Variants in BRINP3 observed in about 807,000 individuals in gnomAD.
BRINP3 encodes the protein BMP/retinoic acid-inducible neural-specific protein 3.
BRINP3 carries 19 observed loss-of-function variants against 71.0 expected under a neutral mutation model. The ratio of observed to expected loss-of-function variants is 0.27; its 90% CI spans 0.19 to 0.39. The LOEUF (loss-of-function observed/expected upper bound fraction) is 0.39, where lower values mean the gene tolerates loss of function less well. Ranked by LOEUF, BRINP3 falls within the 10% of genes least tolerant of loss-of-function variation. The pLI is 1.00. For synonymous variants in BRINP3, 380 were observed against 337.7 expected (o/e 1.13, Z -1.37); for missense variants, 959 against 940.8 (o/e 1.02, Z -0.25).
At chr1:190,400,168 G>A (rs1005008127) in intron 2 of BRINP3, among the ~76,000 whole-genome samples, 4 of 152,008 alleles carry the variant, frequency 2.6e-5, no homozygotes, top group Non-Finnish European at 5.9e-5. Flanking sequence ...TGAAATGAAC[G>A]TTTTGCGTAT....
At chr1:190,172,963 G>A (rs1652153004) in intron 6 of BRINP3, among the ~76,000 whole-genome samples, 1 of 152,120 alleles carries the variant, frequency 6.6e-6, no homozygotes, top group Non-Finnish European at 1.5e-5. Flanking sequence ...TTCTATTCAT[G>A]ACAGGGCTTT....
At chr1:190,109,731 G>A (rs1478633922) in intron 7 of BRINP3, among the ~76,000 whole-genome samples, 1 of 152,214 alleles carries the variant, frequency 6.6e-6, no homozygotes, top group Non-Finnish European at 1.5e-5. Flanking sequence ...CTCTCTTCTG[G>A]AGTTGGCAAG....
chr1:190,269,651 A>G (rs1215802496), intron 3 of BRINP3, among the ~76,000 whole-genome samples: 1 of 152,090 alleles, frequency 6.6e-6, no homozygotes, highest in African/African-American at 2.4e-5. Context: ...ATTTGAAAAT[A>G]TATTCAATCT....
At chr1:190,223,750 C>T (rs1426084028) in intron 6 of BRINP3, among the ~76,000 whole-genome samples, 1 of 151,638 alleles carries the variant, frequency 6.6e-6, no homozygotes, top group Non-Finnish European at 1.5e-5. Context: ...TGTTTGTAGA[C>T]AACACAATTT....
chr1:190,300,030 G>C (rs900287802), intron 2 of BRINP3, among the ~76,000 whole-genome samples: 6 of 152,018 alleles, frequency 3.9e-5, no homozygotes, highest in Non-Finnish European at 7.4e-5. Context: ...TATGTGTCTT[G>C]TTGTTGCCCT....
chr1:190,194,191 C>A (rs539245907), intron 6 of BRINP3, among the ~76,000 whole-genome samples: 18 of 152,158 alleles, frequency 1.2e-4, no homozygotes, highest in Middle Eastern at 3.4e-3. Context: ...GAAGACGCAA[C>A]ATGACCCCAA....
chr1:190,310,597 T>C (rs1294782149), intron 2 of BRINP3, among the ~76,000 whole-genome samples: 1 of 151,758 alleles, frequency 6.6e-6, no homozygotes, highest in Non-Finnish European at 1.5e-5. Flanking sequence ...TCATCAGTTA[T>C]GGCCAACTTA....
At chr1:190,399,445 C>A (rs1266807958) in intron 2 of BRINP3, among the ~76,000 whole-genome samples, 1 of 151,854 alleles carries the variant, frequency 6.6e-6, no homozygotes, top group Non-Finnish European at 1.5e-5. Flanking sequence ...ATGAAAGTGA[C>A]ACTTCGCGAG....
intron 1 of BRINP3, among the ~76,000 whole-genome samples, chr1:190,457,460 A>AAAACAAAAC (rs143410349): frequency 6.6e-6 from 1 of 151,230 alleles, no homozygotes; most frequent in East Asian, 2.0e-4. Flanking sequence ...ACACAAAAAC[A>AAAACAAAAC]AAAACAAAAC....
At chr1:190,442,284 G>T (rs1171623155) in intron 2 of BRINP3, among the ~76,000 whole-genome samples, 2 of 152,022 alleles carry the variant, frequency 1.3e-5, no homozygotes, top group Non-Finnish European at 2.9e-5. Flanking sequence ...TTCTGTTTTG[G>T]GAAATAGTTG....
chr1:190,381,098 C>A (rs1015934412), intron 2 of BRINP3, among the ~76,000 whole-genome samples: 2 of 151,478 alleles, frequency 1.3e-5, no homozygotes, highest in African/African-American at 4.9e-5. Context: ...CCTGCAGGAG[C>A]CTCATCTCTC....
At chr1:190,384,960 G>C (rs980589049) in intron 2 of BRINP3, among the ~76,000 whole-genome samples, 7 of 151,374 alleles carry the variant, frequency 4.6e-5, no homozygotes, top group South Asian at 4.2e-4. Flanking sequence ...CAAAAACAAG[G>C]AATGGGGAAA....
At chr1:190,121,808 A>C (rs1349957841) in intron 7 of BRINP3, among the ~76,000 whole-genome samples, 1 of 152,316 alleles carries the variant, frequency 6.6e-6, no homozygotes, top group Non-Finnish European at 1.5e-5. Flanking sequence ...AACCTCAAAT[A>C]TATGGAATGA....
intron 1 of BRINP3, among the ~76,000 whole-genome samples, chr1:190,458,277 C>A (rs528788354): frequency 3.4e-4 from 52 of 152,034 alleles, no homozygotes; most frequent in Admixed American, 1.4e-3. Flanking sequence ...ATCCTAAAAT[C>A]ATTGTATTTG....
chr1:190,153,231 A>T (rs1039193830), intron 7 of BRINP3, among the ~76,000 whole-genome samples: 3 of 152,142 alleles, frequency 2.0e-5, no homozygotes, highest in Non-Finnish European at 4.4e-5. Context: ...CAACTAAGAC[A>T]TTCTTTCTTA....
chr1:190,372,997 T>C (rs1431914199), intron 2 of BRINP3, among the ~76,000 whole-genome samples: 3 of 152,160 alleles, frequency 2.0e-5, no homozygotes, highest in African/African-American at 7.2e-5. Context: ...TTGTAAACAT[T>C]ACATATCTAA....
At chr1:190,366,482 G>A (rs1158786780) in intron 2 of BRINP3, among the ~76,000 whole-genome samples, 1 of 151,982 alleles carries the variant, frequency 6.6e-6, no homozygotes, top group African/African-American at 2.4e-5. Flanking sequence ...TTTGGGTGAG[G>A]ACACAGCCAA....
intron 2 of BRINP3, among the ~76,000 whole-genome samples, chr1:190,393,162 T>C (rs895727895): frequency 6.6e-6 from 1 of 151,684 alleles, no homozygotes; most frequent in African/African-American, 2.4e-5. Flanking sequence ...ACATTACATA[T>C]GCATAACATA....
At chr1:190,278,702 T>C (rs934664783) in intron 3 of BRINP3, among the ~76,000 whole-genome samples, 15 of 151,484 alleles carry the variant, frequency 9.9e-5, no homozygotes, top group African/African-American at 3.6e-4. Context: ...GATTAGAAAC[T>C]GAGTAAGGTT....
Sources: allele counts gnomAD v4.1 joint callset (sites outside exome capture counted in the v4.1 genomes callset), GRCh38; gene constraint gnomAD v4.1.1; transcripts MANE v1.5; gene names NCBI Gene and HGNC (gene_info 2026-07-23, HGNC 2026-07-21).